Variants in SHISAL2B observed in about 807,000 individuals in gnomAD.
SHISAL2B encodes the protein protein shisa-like-2B.
A neutral mutation model predicts 16.5 loss-of-function variants in SHISAL2B; 12 were observed. That is an observed-to-expected ratio of 0.73 (90% confidence interval 0.47 to 1.18). SHISAL2B has a LOEUF of 1.18. SHISAL2B is among the 50% of genes most tolerant of loss of function. The pLI, the probability that SHISAL2B is intolerant of heterozygous loss-of-function variation, is 0.00. For missense variants in SHISAL2B, 183 were observed against 193.6 expected, an observed-to-expected ratio of 0.95 and a Z score of 0.33; for synonymous variants, 72 against 75.0, an observed-to-expected ratio of 0.96 and a Z score of 0.21.
chr5:64,690,794 C>G lies in SHISAL2B; in HGVS notation c.171C>G (p.His57Gln), dbSNP rs1476763680. 3 of 1,541,908 alleles carry G rather than the reference C, an allele frequency of 1.9e-6. No individual in the cohort carries two copies. The highest frequency in any genetic ancestry group is 2.6e-6 in the Non-Finnish European group (3 of 1,150,428). Residue 57 changes from histidine to glutamine, a missense_variant, in exon 1 of 3, where the codon CAC (histidine) becomes CAG (glutamine). His to Gln is a conservative substitution (Grantham distance 24). Transcript: ENST00000389074. Reference sequence around the variant, plus strand: ...CGGGCAGCTACTTCCCCTACAAGCACAGCTACATGTGGAGCCTCAGGTGGG... The same window carrying G: ...CGGGCAGCTACTTCCCCTACAAGCAGAGCTACATGTGGAGCCTCAGGTGGG... ...SEPGSYFPYK[H>Q]SYMWSLSIGA...
intron 2 of SHISAL2B, among the ~76,000 whole-genome samples, chr5:64,703,374 T>A (rs931839697): frequency 1.2e-4 from 18 of 152,202 alleles, no homozygotes; most frequent in African/African-American, 4.1e-4. Flanking sequence ...AGAAAGACGT[T>A]TTTATTTAAA....
At chr5:64,695,478 G>A (rs1014648865) in intron 1 of SHISAL2B, 29 bp from the exon 2 acceptor site, 1 of 1,502,318 alleles carries the variant, frequency 6.7e-7, no homozygotes, top group African/African-American at 1.4e-5. Flanking sequence ...CACTTTGTGT[G>A]ACACATATTT....
chr5:64,693,560 G>T (rs1038150692), intron 1 of SHISAL2B, among the ~76,000 whole-genome samples: 3 of 152,150 alleles, frequency 2.0e-5, no homozygotes, highest in African/African-American at 7.2e-5. Context: ...TCAGGTTCTT[G>T]TTTGAAGAAT....
chr5:64,701,902 C>T (rs558141476), intron 2 of SHISAL2B, among the ~76,000 whole-genome samples: 1 of 152,098 alleles, frequency 6.6e-6, no homozygotes, highest in African/African-American at 2.4e-5. Context: ...CTTGCTCCCC[C>T]AAAAGAAAAT....
chr5:64,695,412 G>A (rs1741718798), intron 1 of SHISAL2B, 95 bp from the exon 2 acceptor site: 2 of 834,706 alleles, frequency 2.4e-6, no homozygotes, highest in African/African-American at 1.7e-5. Flanking sequence ...ATGAATAACT[G>A]AAAACAAGAA....
chr5:64,704,374 G>T (rs1741848450), intron 2 of SHISAL2B, among the ~76,000 whole-genome samples: 1 of 152,226 alleles, frequency 6.6e-6, no homozygotes, highest in South Asian at 2.1e-4. Context: ...ATGAGGATAG[G>T]TAGAAAGATT....
chr5:64,702,390 G>A lies in SHISAL2B; in HGVS notation c.349+6726G>A, dbSNP rs534789260. ...TAATTTTGTATTTTTAGTAGAGATG[G>A]GGTTTCTCTATGTTGGTCAGGCTGG... On this transcript the variant is annotated intron_variant, in intron 2 of 2. Coordinates refer to ENST00000389074, the MANE Select transcript of SHISAL2B (RefSeq NM_001164442.2). 3.1e-4 allele frequency among the ~76,000 whole-genome samples: 47 copies of A among 152,138 alleles called. No homozygotes were observed. In the South Asian group the frequency reaches 9.5e-3, roughly 31 times the overall value.
intron 2 of SHISAL2B, among the ~76,000 whole-genome samples, chr5:64,712,771 T>C (rs1489934689): frequency 6.6e-6 from 1 of 152,208 alleles, no homozygotes; most frequent in Non-Finnish European, 1.5e-5. Flanking sequence ...TCTTGTTGAA[T>C]TGATCCCTTT....
At chr5:64,696,729 C>T (rs995474342) in intron 2 of SHISAL2B, among the ~76,000 whole-genome samples, 5 of 152,136 alleles carry the variant, frequency 3.3e-5, no homozygotes, top group South Asian at 2.1e-4. Context: ...GAGGTCAGAC[C>T]GGTTCTCTGC....
chr5:64,709,527 A>T (rs1198073097), intron 2 of SHISAL2B, among the ~76,000 whole-genome samples: 1 of 150,696 alleles, frequency 6.6e-6, no homozygotes, highest in Non-Finnish European at 1.5e-5. Flanking sequence ...TAGCAGCATG[A>T]TTTATAGTCA....
At chr5:64,708,561 A>C (rs190031457) in intron 2 of SHISAL2B, among the ~76,000 whole-genome samples, 2 of 152,324 alleles carry the variant, frequency 1.3e-5, no homozygotes, top group Non-Finnish European at 2.9e-5. Context: ...AAAACAATCC[A>C]TACAATGCCT....
chr5:64,698,861 G>A (rs1270299167), intron 2 of SHISAL2B, among the ~76,000 whole-genome samples: 1 of 152,168 alleles, frequency 6.6e-6, no homozygotes, highest in Non-Finnish European at 1.5e-5. Context: ...GATCAAAGGA[G>A]CATATTTTGA....
chr5:64,693,777 A>C (rs1741688385), intron 1 of SHISAL2B, among the ~76,000 whole-genome samples: 1 of 152,178 alleles, frequency 6.6e-6, no homozygotes, highest in South Asian at 2.1e-4. Flanking sequence ...GCAAACCCCA[A>C]GTTGAAATAT....
chr5:64,701,918 T>C (rs1228933368), intron 2 of SHISAL2B, among the ~76,000 whole-genome samples: 1 of 152,208 alleles, frequency 6.6e-6, no homozygotes, highest in African/African-American at 2.4e-5. Flanking sequence ...AAAATCTTCC[T>C]TTCAATTCAT....
chr5:64,717,357 CTA>C (rs376990528), intron 2 of SHISAL2B, among the ~76,000 whole-genome samples: 11 of 152,130 alleles, frequency 7.2e-5, no homozygotes, highest in African/African-American at 2.7e-4. Context: ...CATTTCTTTG[CTA>C]TGTTTGTTTA....
At chr5:64,716,180 C>T (rs1742047970) in intron 2 of SHISAL2B, among the ~76,000 whole-genome samples, 1 of 152,176 alleles carries the variant, frequency 6.6e-6, no homozygotes, top group African/African-American at 2.4e-5. Context: ...TTTTCGGTCA[C>T]TTTCTTCACT....
chr5:64,697,633 T>C (rs1254780510), intron 2 of SHISAL2B, among the ~76,000 whole-genome samples: 1 of 152,092 alleles, frequency 6.6e-6, no homozygotes, highest in Non-Finnish European at 1.5e-5. Flanking sequence ...ACATTATAGA[T>C]ATAAATGGAA....
chr5:64,696,967 C>A (rs554816021), intron 2 of SHISAL2B, among the ~76,000 whole-genome samples: 6 of 152,308 alleles, frequency 3.9e-5, no homozygotes, highest in Non-Finnish European at 8.8e-5. Context: ...TATACCCCCT[C>A]CCCTTTTAAA....
At chr5:64,712,633 G>T (rs1477340559) in intron 2 of SHISAL2B, among the ~76,000 whole-genome samples, 3 of 151,620 alleles carry the variant, frequency 2.0e-5, no homozygotes, top group African/African-American at 7.3e-5. Flanking sequence ...AATGTTGACA[G>T]TGGGGTGTTA....
Sources: allele counts gnomAD v4.1 joint callset (sites outside exome capture counted in the v4.1 genomes callset), GRCh38; gene constraint gnomAD v4.1.1; transcripts MANE v1.5; gene names NCBI Gene and HGNC (gene_info 2026-07-23, HGNC 2026-07-21).